EDNRB: variants seen among roughly 807,000 people sequenced by gnomAD.
EDNRB encodes Hirschsprung disease 2.
In EDNRB, 18 loss-of-function variants were observed where a neutral mutation model predicts 46.4. The observed-to-expected ratio is 0.39, with a 90% CI of 0.27 to 0.57. EDNRB has a LOEUF of 0.57. Ranked by LOEUF, EDNRB falls within the 20% of genes least tolerant of loss-of-function variation. The pLI, the probability that EDNRB is intolerant of heterozygous loss-of-function variation, is 0.61. For synonymous variants in EDNRB, 213 were observed against 204.9 expected, an observed-to-expected ratio of 1.04 and a Z score of -0.34; for missense variants, 434 against 537.5, an observed-to-expected ratio of 0.81 and a Z score of 1.90.
chr13:77,942,587 T>C (rs1334055745), intron 1 of EDNRB, among the ~76,000 whole-genome samples: 1 of 152,164 alleles, frequency 6.6e-6, no homozygotes, highest in Admixed American at 6.5e-5. Flanking sequence ...ACGATTTGAA[T>C]CATTTATAGC....
At chr13:77,909,050 C>T (rs1168864891) in intron 1 of EDNRB, among the ~76,000 whole-genome samples, 1 of 151,826 alleles carries the variant, frequency 6.6e-6, no homozygotes, top group East Asian at 1.9e-4. Flanking sequence ...TTGTGCTGAC[C>T]CATTTTACCC....
At chr13:77,963,211 G>T (rs568368311) in intron 1 of EDNRB, among the ~76,000 whole-genome samples, 101 of 152,154 alleles carry the variant, frequency 6.6e-4, no homozygotes, top group Non-Finnish European at 1.1e-3. Context: ...AATTTATAGA[G>T]TCAATGCCAT....
intron 1 of EDNRB, among the ~76,000 whole-genome samples, chr13:77,961,839 G>A (rs1489534854): frequency 6.6e-6 from 1 of 152,120 alleles, no homozygotes; most frequent in Non-Finnish European, 1.5e-5. Flanking sequence ...ATGAATCCAG[G>A]AGCTGGTTTT....
chr13:77,935,400 A>G (rs1856192460), intron 1 of EDNRB, among the ~76,000 whole-genome samples: 1 of 152,186 alleles, frequency 6.6e-6, no homozygotes, highest in African/African-American at 2.4e-5. Flanking sequence ...TCTTCAAGGA[A>G]TGAAAAAGAG....
rs1490974498 is a variant in EDNRB, at chr13:77,945,707, GA to G, written c.-51-27084del. On this transcript the variant is annotated intron_variant, in intron 1 of 7. Coordinates refer to the EDNRB transcript ENST00000646948. ...AAAAGACATAAAAATAAGGACACTA[GA>G]AAAATTGGAAGCCTCTGGCACCTAC... 2.6e-5 allele frequency among the ~76,000 whole-genome samples: 4 copies of G among 152,006 alleles called. No individual in the cohort carries two copies. In the East Asian group the frequency reaches 7.7e-4, roughly 29 times the overall value.
At chr13:77,932,358 A>G (rs1221471806) in intron 1 of EDNRB, among the ~76,000 whole-genome samples, 2 of 152,218 alleles carry the variant, frequency 1.3e-5, no homozygotes, top group African/African-American at 2.4e-5. Flanking sequence ...ACCCATCTTT[A>G]TGGCTAATTT....
intron 1 of EDNRB, among the ~76,000 whole-genome samples, chr13:77,930,490 T>C (rs767194599): frequency 4.6e-5 from 7 of 152,190 alleles, no homozygotes; most frequent in Non-Finnish European, 1.0e-4. Context: ...TTAATAAACA[T>C]TTATGATATG....
chr13:77,930,987 C>G (rs1223810259), intron 1 of EDNRB, among the ~76,000 whole-genome samples: 1 of 152,116 alleles, frequency 6.6e-6, no homozygotes, highest in Non-Finnish European at 1.5e-5. Flanking sequence ...CTATATTTAA[C>G]AGCAAAATAA....
chr13:77,907,453 ACTT>A (rs1287990195), intron 1 of EDNRB, among the ~76,000 whole-genome samples: 2 of 151,806 alleles, frequency 1.3e-5, no homozygotes, highest in African/African-American at 4.8e-5. Context: ...CAATTATGGG[ACTT>A]CTTAGCCTCT....
upstream of EDNRB, chr13:77,919,763 CTGTT>C (rs879767888): frequency 1.5e-4 from 112 of 729,384 alleles, no homozygotes; most frequent in Non-Finnish European, 2.3e-4. Context: ...TCCCAAAAGG[CTGTT>C]TATTTGTTAG....
Position 77,918,384 on chromosome 13 carries a change from G to T in EDNRB, c.190C>A (p.Arg64=), listed in dbSNP as rs139147111. 6.2e-7 allele frequency: 1 copy of T among 1,604,732 alleles called. No homozygotes were observed. The highest frequency in any genetic ancestry group is 8.5e-7 in the Non-Finnish European group (1 of 1,174,002). ...WPKGSNASLA[R]SLAPAEVPKG... ...GGCACCTCCGCAGGTGCCAACGACCGCGCCAGACTGGCGTTGGAACCCTTG... is the reference window on the plus strand; with the variant it reads ...GGCACCTCCGCAGGTGCCAACGACCTCGCCAGACTGGCGTTGGAACCCTTG... Residue 64 remains arginine, a synonymous_variant, in exon 1 of 7, where the codon CGG becomes AGG. Coordinates refer to ENST00000646607, the MANE Select transcript of EDNRB (RefSeq NM_001122659.3). This position sits in a 1 kb window ranked among gnomAD's most constrained non-coding sequence, Gnocchi z 4.5.
intron 1 of EDNRB, among the ~76,000 whole-genome samples, chr13:77,928,885 A>G (rs1432914772): frequency 3.3e-5 from 5 of 152,216 alleles, no homozygotes; most frequent in African/African-American, 1.2e-4. Context: ...AAAATAACAA[A>G]AAACATCTTC....
upstream of EDNRB, chr13:77,919,214 C>G: frequency 1.5e-6 from 1 of 678,488 alleles, no homozygotes; most frequent in Non-Finnish European, 2.4e-6. Flanking sequence ...ACTTGGAAAC[C>G]GCTGTTCCCT....
At chr13:77,973,864 C>A (rs975182836) in intron 1 of EDNRB, among the ~76,000 whole-genome samples, 1 of 151,824 alleles carries the variant, frequency 6.6e-6, no homozygotes, top group Non-Finnish European at 1.5e-5. Flanking sequence ...TTTAAACAAC[C>A]AGCTAATTTA....
At chr13:77,938,838 T>C (rs1468809011) in intron 1 of EDNRB, among the ~76,000 whole-genome samples, 1 of 152,202 alleles carries the variant, frequency 6.6e-6, no homozygotes, top group Non-Finnish European at 1.5e-5. Context: ...TTACCCGATT[T>C]AAAATTGGTG....
intron 1 of EDNRB, among the ~76,000 whole-genome samples, chr13:77,935,554 A>G (rs1160279157): frequency 6.6e-6 from 1 of 152,072 alleles, no homozygotes; most frequent in African/African-American, 2.4e-5. Context: ...GTTTTGTAGA[A>G]GGTGTTGGGG....
intron 1 of EDNRB, among the ~76,000 whole-genome samples, chr13:77,956,934 A>G (rs1881258316): frequency 1.3e-5 from 2 of 152,236 alleles, no homozygotes; most frequent in Admixed American, 6.5e-5. Flanking sequence ...TGCCTTCAAA[A>G]GGTCCTTATA....
chr13:77,923,603 A>T (rs1880146185), upstream of EDNRB, among the ~76,000 whole-genome samples: 1 of 152,140 alleles, frequency 6.6e-6, no homozygotes, highest in African/African-American at 2.4e-5. Flanking sequence ...TAATGAGTTT[A>T]TGTATTTTCT....
chr13:77,961,771 A>G (rs1253937828), intron 1 of EDNRB, among the ~76,000 whole-genome samples: 1 of 152,226 alleles, frequency 6.6e-6, no homozygotes, highest in Non-Finnish European at 1.5e-5. Flanking sequence ...GGCAAGAAAT[A>G]ACAAGATCAG....
Sources: allele counts gnomAD v4.1 joint callset (sites outside exome capture counted in the v4.1 genomes callset), GRCh38; gene constraint gnomAD v4.1.1; non-coding constraint Gnocchi (gnomAD v3.1); transcripts MANE v1.5; gene names NCBI Gene and HGNC (gene_info 2026-07-23, HGNC 2026-07-21).